TRPM3: variants seen among roughly 807,000 people sequenced by gnomAD.
The protein encoded by TRPM3 is transient receptor potential cation channel subfamily M member 3, also known as long transient receptor potential channel 3.
In TRPM3, 77 loss-of-function variants were observed where a neutral mutation model predicts 181.2. The ratio of observed to expected loss-of-function variants is 0.42; its 90% CI spans 0.35 to 0.51. The LOEUF (loss-of-function observed/expected upper bound fraction) is 0.51, where lower values mean the gene tolerates loss of function less well. TRPM3 is among the 20% of genes least tolerant of loss of function. TRPM3 has a pLI of 0.01. For missense variants in TRPM3, 1,759 were observed against 2,196.7 expected, an observed-to-expected ratio of 0.80 and a Z score of 3.98; for synonymous variants, 745 against 796.4, an observed-to-expected ratio of 0.94 and a Z score of 1.09.
intron 1 of TRPM3, among the ~76,000 whole-genome samples, chr9:71,162,732 AC>A (rs2076340955): frequency 6.6e-6 from 1 of 152,186 alleles, no homozygotes; most frequent in South Asian, 2.1e-4. Flanking sequence ...TTAGTTACCT[AC>A]TATGTACTGG....
intron 1 of TRPM3, among the ~76,000 whole-genome samples, chr9:71,212,934 T>C (rs2131809240): frequency 6.6e-6 from 1 of 152,210 alleles, no homozygotes; most frequent in African/African-American, 2.4e-5. Flanking sequence ...TTCTGGGCAG[T>C]GAAGAACAAA....
Position 70,618,886 on chromosome 9 carries a change from C to G in TRPM3, c.2339G>C (p.Arg780Pro). The G allele has an allele frequency of 6.2e-7, 1 of 1,607,206 alleles. No homozygotes were observed. The highest frequency in any genetic ancestry group is 8.5e-7 in the Non-Finnish European group (1 of 1,179,940). ...CCTGACCTTGAGGCCTGAGTTCTTG[C>G]GCATGCGGAGCCGGCCCATCCACAT... ...TDMWMGRLRM[R>P]KNSGLKVILG... Residue 780 changes from arginine (R) to proline (P), a missense_variant, in exon 17 of 26, where the codon CGC becomes CCC. By Grantham distance (103) the Arg-to-Pro change is moderately radical. Around this residue, in one of 8 missense-constraint regions of TRPM3, gnomAD observed 114 missense variants for 134.8 expected, o/e 0.85. Transcript: ENST00000677713.
At chr9:71,134,019 G>T (rs887692499) in intron 1 of TRPM3, among the ~76,000 whole-genome samples, 43 of 130,592 alleles carry the variant, frequency 3.3e-4, no homozygotes, top group Non-Finnish European at 6.1e-4. Context: ...GTGTGTGCGC[G>T]TGCGCGCGCG....
intron 1 of TRPM3, among the ~76,000 whole-genome samples, chr9:71,422,591 T>C (rs2093796578): frequency 6.6e-6 from 1 of 152,184 alleles, no homozygotes; most frequent in Middle Eastern, 3.4e-3. Flanking sequence ...ATAAATGATA[T>C]AACTTGATGG....
intron 1 of TRPM3, among the ~76,000 whole-genome samples, chr9:71,163,528 T>C (rs1020552949): frequency 2.0e-5 from 3 of 152,030 alleles, no homozygotes; most frequent in African/African-American, 7.2e-5. Flanking sequence ...AAAAGAATGA[T>C]GAGAGTTTGA....
intron 1 of TRPM3, among the ~76,000 whole-genome samples, chr9:71,094,484 A>G (rs1234130535): frequency 6.6e-6 from 1 of 151,998 alleles, no homozygotes; most frequent in Non-Finnish European, 1.5e-5. Context: ...CTTCTTTTCT[A>G]TTTCTATATG....
chr9:70,975,192 C>T (rs2097291205), intron 1 of TRPM3, among the ~76,000 whole-genome samples: 1 of 152,026 alleles, frequency 6.6e-6, no homozygotes, highest in African/African-American at 2.4e-5. Flanking sequence ...CTTTGGGAAG[C>T]TAAAGACAAT....
chr9:70,771,474 C>T (rs963660966), intron 7 of TRPM3, among the ~76,000 whole-genome samples: 4 of 152,134 alleles, frequency 2.6e-5, no homozygotes, highest in African/African-American at 9.7e-5. Flanking sequence ...TTCCTTCTCT[C>T]CTTCCCTTCC....
At chr9:71,007,100 A>T (rs537928950) in intron 1 of TRPM3, among the ~76,000 whole-genome samples, 87 of 150,098 alleles carry the variant, frequency 5.8e-4, no homozygotes, top group African/African-American at 2.0e-3. Flanking sequence ...ACAGAAAAAA[A>T]AAAAAAGAAA....
chr9:71,186,758 C>T (rs962903782), intron 1 of TRPM3, among the ~76,000 whole-genome samples: 4 of 152,006 alleles, frequency 2.6e-5, no homozygotes, highest in Admixed American at 2.6e-4. Flanking sequence ...GTAAAAAGAA[C>T]AGATTTGACT....
intron 9 of TRPM3, among the ~76,000 whole-genome samples, chr9:70,656,144 A>G (rs564148913): frequency 6.6e-6 from 1 of 152,354 alleles, no homozygotes; most frequent in African/African-American, 2.4e-5. Flanking sequence ...TGTCTTAAGA[A>G]TTGACAGCAT....
At chr9:70,750,064 C>T (rs564898649) in intron 8 of TRPM3, among the ~76,000 whole-genome samples, 25 of 152,124 alleles carry the variant, frequency 1.6e-4, no homozygotes, top group Non-Finnish European at 2.6e-4. Flanking sequence ...ACAGAAGCAA[C>T]GATATATAAC....
In TRPM3 at chr9:71,162,293, A is replaced by C. The variant is rs182137121; in HGVS notation, c.183+284360T>G. 1.0e-3 allele frequency among the ~76,000 whole-genome samples: 157 copies of C among 152,058 alleles called. 1 individual carries two copies. The highest frequency in any genetic ancestry group is 3.6e-3 in the African/African-American group (150 of 41,540). ...GAAGGATGAGTTCATAATAAAATAC[A>C]ATGCTTCCGGCTTTTCTGGCTTTCT... is the stretch of plus-strand genomic sequence containing the variant. On this transcript the variant is annotated intron_variant, in intron 1 of 24. Transcript: ENST00000357533.
intron 1 of TRPM3, among the ~76,000 whole-genome samples, chr9:70,960,832 C>A (rs570997599): frequency 6.6e-6 from 1 of 152,260 alleles, no homozygotes; most frequent in South Asian, 2.1e-4. Flanking sequence ...CACCGCTCTG[C>A]CTTTCACTCT....
chr9:71,353,937 G>A (rs1012562334), intron 1 of TRPM3, among the ~76,000 whole-genome samples: 2 of 152,152 alleles, frequency 1.3e-5, no homozygotes, highest in Admixed American at 1.3e-4. Flanking sequence ...ACAGATGGTT[G>A]GTGACAAAGC....
intron 1 of TRPM3, among the ~76,000 whole-genome samples, chr9:71,241,541 A>G (rs1430756620): frequency 1.3e-5 from 2 of 151,772 alleles, no homozygotes; most frequent in Non-Finnish European, 2.9e-5. Context: ...GATATACCTA[A>G]TGTTAAATGA....
At chr9:70,556,272 A>T (rs1300795251) in intron 22 of TRPM3, among the ~76,000 whole-genome samples, 1 of 151,784 alleles carries the variant, frequency 6.6e-6, no homozygotes, top group Non-Finnish European at 1.5e-5. Flanking sequence ...TTCCTGAGAA[A>T]CTTAATATCT....
chr9:71,218,099 A>T (rs1565352637), intron 1 of TRPM3, among the ~76,000 whole-genome samples: 1 of 152,224 alleles, frequency 6.6e-6, no homozygotes, highest in Non-Finnish European at 1.5e-5. Context: ...AAAGGCAAAC[A>T]AGAAAAGGGA....
intron 1 of TRPM3, among the ~76,000 whole-genome samples, chr9:71,034,838 T>C (rs1472264442): frequency 6.6e-6 from 1 of 152,118 alleles, no homozygotes; most frequent in Non-Finnish European, 1.5e-5. Flanking sequence ...CAGTGTGATG[T>C]ATATATGTAT....
Sources: allele counts gnomAD v4.1 joint callset (sites outside exome capture counted in the v4.1 genomes callset), GRCh38; gene constraint gnomAD v4.1.1; regional missense constraint gnomAD v4.1.1; transcripts MANE v1.5; gene names NCBI Gene and HGNC (gene_info 2026-07-23, HGNC 2026-07-21).